The following STARD13 variants were observed in gnomAD, a reference collection of about 807,000 sequenced individuals.
The protein encoded by STARD13 is StAR related lipid transfer domain containing 13, also known as stAR-related lipid transfer protein 13.
A neutral mutation model predicts 106.4 loss-of-function variants in STARD13; 62 were observed. The observed-to-expected ratio is 0.58, with a 90% confidence interval of 0.48 to 0.72. The LOEUF is 0.72. Ranked by LOEUF, STARD13 falls within the 30% of genes least tolerant of loss-of-function variation. The pLI is 0.00. For synonymous variants in STARD13, 565 were observed against 553.0 expected, an observed-to-expected ratio of 1.02 and a Z score of -0.31; for missense variants, 1,387 against 1,424.0, an observed-to-expected ratio of 0.97 and a Z score of 0.42.
chr13:33,462,545 G>A, the STARD13 span, among the ~76,000 whole-genome samples: 1 of 152,182 alleles, frequency 6.6e-6, no homozygotes, highest in East Asian at 1.9e-4. Context: ...GCCAGTCCAA[G>A]TCCCAAAACC....
the STARD13 span, among the ~76,000 whole-genome samples, chr13:33,418,754 C>T: frequency 6.6e-6 from 1 of 152,178 alleles, no homozygotes; most frequent in East Asian, 1.9e-4. Context: ...GAAGGATAAG[C>T]CTGCAATATT....
intron 7 of STARD13, among the ~76,000 whole-genome samples, chr13:33,123,054 T>TG (rs1344379964): frequency 0.018 from 185 of 10,466 alleles, 1 homozygote; most frequent in Non-Finnish European, 0.029. Context: ...AGACTCCATC[T>TG]CAAAAAAAAA....
chr13:33,112,972 T>A, intron 8 of STARD13, 41 bp from the exon 9 acceptor site: 3 of 1,503,854 alleles, frequency 2.0e-6, no homozygotes, highest in Non-Finnish European at 2.7e-6. Flanking sequence ...GGAGCAGACA[T>A]AGAAAGAGCC....
the STARD13 span, among the ~76,000 whole-genome samples, chr13:33,571,699 G>A: frequency 6.6e-6 from 1 of 152,192 alleles, no homozygotes; most frequent in East Asian, 1.9e-4. Context: ...TTTCTAAGAG[G>A]TGAGTGTGCT....
the STARD13 span, among the ~76,000 whole-genome samples, chr13:33,485,270 C>A: frequency 1.3e-5 from 2 of 152,200 alleles, no homozygotes; most frequent in South Asian, 4.2e-4. Context: ...TTTTTAATTA[C>A]CGAAGTGAAA....
the STARD13 span, among the ~76,000 whole-genome samples, chr13:33,406,468 C>T: frequency 6.6e-6 from 1 of 152,172 alleles, no homozygotes; most frequent in African/African-American, 2.4e-5. Flanking sequence ...TAGGTTCCTG[C>T]AAGCTTCTAG....
At chr13:33,562,536 G>C in the STARD13 span, among the ~76,000 whole-genome samples, 2 of 146,252 alleles carry the variant, frequency 1.4e-5, no homozygotes, top group South Asian at 4.3e-4. Context: ...TTTTAACTGT[G>C]CATATTTTCT....
the STARD13 span, among the ~76,000 whole-genome samples, chr13:33,673,670 T>G: frequency 6.9e-6 from 1 of 144,890 alleles, no homozygotes; most frequent in South Asian, 2.2e-4. Flanking sequence ...AGCCTCCTGA[T>G]TAGCTGGAAC....
At chr13:33,491,702 A>G in the STARD13 span, among the ~76,000 whole-genome samples, 1 of 152,242 alleles carries the variant, frequency 6.6e-6, no homozygotes. Flanking sequence ...ATGGAAATCT[A>G]GAGTCCAGCC....
the STARD13 span, among the ~76,000 whole-genome samples, chr13:33,540,515 A>G: frequency 1.3e-5 from 2 of 152,228 alleles, no homozygotes; most frequent in African/African-American, 4.8e-5. Context: ...ATTTCATCAC[A>G]CTACTTAGAA....
chr13:33,490,927 C>A, the STARD13 span, among the ~76,000 whole-genome samples: 2 of 152,344 alleles, frequency 1.3e-5, no homozygotes, highest in East Asian at 1.9e-4. Context: ...TCGCCCTGGC[C>A]TCTGCACCTG....
At chr13:33,187,723 C>CCCAGGCTGGACTGCAGTGGCATGT (rs1364686654) in intron 1 of STARD13, among the ~76,000 whole-genome samples, 2 of 152,074 alleles carry the variant, frequency 1.3e-5, no homozygotes, top group Non-Finnish European at 2.9e-5. Flanking sequence ...TGATCTGTCA[C>CCCAGGCTGGACTGCAGTGGCATGT]CCAGGCTGGA....
chr13:33,308,412 G>A (rs759529553), intron 1 of STARD13, among the ~76,000 whole-genome samples: 9 of 151,068 alleles, frequency 6.0e-5, no homozygotes, highest in Admixed American at 6.6e-5. Context: ...ATCAATATGC[G>A]TATCTGCATT....
chr13:33,508,614 T>C, the STARD13 span, among the ~76,000 whole-genome samples: 1 of 152,170 alleles, frequency 6.6e-6, no homozygotes, highest in African/African-American at 2.4e-5. Flanking sequence ...AAATGACAGT[T>C]CTTAAAATGT....
chr13:33,469,881 T>C, the STARD13 span, among the ~76,000 whole-genome samples: 2 of 151,906 alleles, frequency 1.3e-5, no homozygotes, highest in African/African-American at 2.4e-5. Context: ...GCTGTACAGC[T>C]TTTTTGTTTG....
At chr13:33,614,628 C>A in the STARD13 span, among the ~76,000 whole-genome samples, 2 of 152,124 alleles carry the variant, frequency 1.3e-5, no homozygotes, top group Non-Finnish European at 2.9e-5. Flanking sequence ...ATGAAAAAAA[C>A]AAAACAAAAC....
intron 1 of STARD13, among the ~76,000 whole-genome samples, chr13:33,210,069 G>A (rs1887636440): frequency 6.6e-6 from 1 of 152,222 alleles, no homozygotes; most frequent in East Asian, 1.9e-4. Context: ...GTCGACAACA[G>A]CCGCAGTGTT....
the STARD13 span, among the ~76,000 whole-genome samples, chr13:33,491,599 T>C: frequency 1.3e-5 from 2 of 152,214 alleles, no homozygotes; most frequent in African/African-American, 4.8e-5. Context: ...CTTTATAAAA[T>C]ACAATCAAGG....
At chr13:33,417,890 T>C in the STARD13 span, among the ~76,000 whole-genome samples, 2 of 152,208 alleles carry the variant, frequency 1.3e-5, no homozygotes, top group Admixed American at 6.5e-5. Flanking sequence ...CTAAAAATTA[T>C]TGACTTATAC....
Sources: gnomAD v4.1 joint callset for allele counts (sites outside exome capture counted in the v4.1 genomes callset) on GRCh38, gnomAD v4.1.1 for gene constraint, MANE v1.5 for transcripts, NCBI Gene and HGNC (gene_info 2026-07-23, HGNC 2026-07-21) for gene names.